NFAT5: variants seen among roughly 807,000 people sequenced by gnomAD.
NFAT5 encodes the protein nuclear factor of activated T-cells 5.
Under a neutral mutation model 166.5 loss-of-function variants are expected in NFAT5, and 31 were observed. The observed-to-expected ratio is 0.19, with a 90% confidence interval of 0.14 to 0.25. NFAT5 has a LOEUF of 0.25. NFAT5 is among the 10% of genes least tolerant of loss of function. The pLI is 1.00. For missense variants in NFAT5, 1,449 were observed against 1,821.8 expected (o/e 0.80, Z 3.72); for synonymous variants, 612 against 639.7 (o/e 0.96, Z 0.65).
At chr16:69,637,981 G>T (rs1317933977) in intron 3 of NFAT5, among the ~76,000 whole-genome samples, 1 of 150,890 alleles carries the variant, frequency 6.6e-6, no homozygotes, top group South Asian at 2.1e-4. Flanking sequence ...AGCATTTTGG[G>T]AGGCTGAGGC....
chr16:69,590,237 T>A (rs949570209), intron 2 of NFAT5, among the ~76,000 whole-genome samples: 2 of 152,220 alleles, frequency 1.3e-5, no homozygotes, highest in Admixed American at 6.6e-5. Flanking sequence ...AGTACAGACG[T>A]TGAGTCCTGA....
chr16:69,597,044 T>A (rs2032837615), intron 2 of NFAT5, among the ~76,000 whole-genome samples: 1 of 152,086 alleles, frequency 6.6e-6, no homozygotes, highest in Non-Finnish European at 1.5e-5. Flanking sequence ...TAAAAATTAG[T>A]CATGTAAAGA....
At chr16:69,650,647 C>G (rs1182675625) in intron 4 of NFAT5, among the ~76,000 whole-genome samples, 1 of 152,060 alleles carries the variant, frequency 6.6e-6, no homozygotes, top group Admixed American at 6.6e-5. Context: ...TCGATATGCT[C>G]TATGAATTTT....
In NFAT5 at chr16:69,692,288, G is replaced by A. The variant is rs538599472; in HGVS notation, c.2463G>A (p.Glu821=). 3 of 1,614,192 alleles carry A rather than the reference G, an allele frequency of 1.9e-6. No individual in the cohort carries two copies. Among genetic ancestry groups the A allele is most frequent in the East Asian group, 4.5e-5 (2 of 44,880 alleles). Residue 821 remains glutamate, a synonymous_variant, in exon 13 of 15, where the codon GAG becomes GAA. Transcript: ENST00000349945. ...TTGACTTGGTCCAACAAGTTTTAGA[G>A]GCACAGCAGCAGTTATCTTCAGTTT... ...GSVDLVQQVL[E]AQQQLSSVLF... is the part of the protein sequence containing the mutation.
chr16:69,597,960 G>A (rs895357074), intron 2 of NFAT5, among the ~76,000 whole-genome samples: 1 of 152,192 alleles, frequency 6.6e-6, no homozygotes. Flanking sequence ...AGTAACTGTT[G>A]TCTAGAGAAG....
rs751444392 is a variant in NFAT5, at chr16:69,703,323, T to C, written c.*6972T>C. 20 of 152,686 alleles carry C rather than the reference T, an allele frequency of 1.3e-4. No individual in the cohort carries two copies. The highest frequency in any genetic ancestry group is 3.8e-4 in the East Asian group (2 of 5,206). 9.5% of individuals were successfully genotyped at this position (152,686 alleles called of 1,614,324 possible). A position where few individuals can be genotyped will look rare whatever the true frequency, so the allele number is the denominator to read the frequency against. ...AAGAACTAAGCTATCAGTATAGATATAGCTATCCTTGGAGCTTATGTTTCA... is the reference window on the plus strand; with the variant it reads ...AAGAACTAAGCTATCAGTATAGATACAGCTATCCTTGGAGCTTATGTTTCA... On this transcript the variant is annotated 3_prime_UTR_variant, in exon 15 of 15. Coordinates refer to ENST00000349945, the MANE Select transcript of NFAT5 (RefSeq NM_138713.4).
At chr16:69,638,967 A>G (rs2035090467) in intron 3 of NFAT5, among the ~76,000 whole-genome samples, 1 of 151,972 alleles carries the variant, frequency 6.6e-6, no homozygotes, top group Non-Finnish European at 1.5e-5. Flanking sequence ...CTCTCTTTTT[A>G]GCCTATACTT....
At chr16:69,669,530 G>A (rs1218492852) in intron 7 of NFAT5, among the ~76,000 whole-genome samples, 2 of 152,120 alleles carry the variant, frequency 1.3e-5, no homozygotes, top group Non-Finnish European at 2.9e-5. Flanking sequence ...GGGCGACAGA[G>A]TGAGACTCAG....
At chr16:69,631,318 C>G (rs1210709565) in intron 3 of NFAT5, among the ~76,000 whole-genome samples, 1 of 152,038 alleles carries the variant, frequency 6.6e-6, no homozygotes, top group East Asian at 1.9e-4. Context: ...GTAATCCCAG[C>G]TACTTGGGAG....
At chr16:69,600,624 A>C (rs552160322) in intron 2 of NFAT5, among the ~76,000 whole-genome samples, 1 of 152,130 alleles carries the variant, frequency 6.6e-6, no homozygotes, top group African/African-American at 2.4e-5. Flanking sequence ...TGGGAAAGGA[A>C]GTATGGGAAA....
At chr16:69,613,815 G>A (rs550365292) in intron 2 of NFAT5, among the ~76,000 whole-genome samples, 2 of 152,226 alleles carry the variant, frequency 1.3e-5, no homozygotes, top group African/African-American at 2.4e-5. Context: ...GCTTAATAAG[G>A]GTGACTTTCT....
rs575421311 is a variant in NFAT5 at position 69,643,813 on chromosome 16, A to C, written c.254-3215A>C. ...ACTGTGATAGGTGTTGGGAGGATCTAAGATGAGAAAGATATTGTCAGTGCT... is the reference window on the plus strand; with the variant it reads ...ACTGTGATAGGTGTTGGGAGGATCTCAGATGAGAAAGATATTGTCAGTGCT... On this transcript the variant is annotated intron_variant, in intron 3 of 14. Transcript: ENST00000349945. Among the ~76,000 whole-genome samples the C allele has an allele frequency of 2.8e-3, 421 of 152,314 alleles. 3 individuals carry two copies. The highest frequency in any genetic ancestry group is 1.0e-2 in the African/African-American group (414 of 41,572).
rs1482863666 is a variant in NFAT5, at chr16:69,696,974, AGC to A, written c.*624_*625del. The A allele has an allele frequency of 6.6e-6, 1 of 152,658 alleles. No individual in the cohort carries two copies. The highest frequency in any genetic ancestry group is 1.5e-5 in the Non-Finnish European group (1 of 68,042). The allele number at this position is 152,658 out of a possible 1,614,324, so 9.5% of individuals were successfully genotyped here. On this transcript the variant is annotated 3_prime_UTR_variant, in exon 15 of 15. Transcript: ENST00000349945. ...ATGATACACTTATAAAACTGGGAAC[AGC>A]TGGAATGCTTCTTGATTTTATTTTT...
chr16:69,566,292 T>C lies in NFAT5; in HGVS notation c.-10T>C. The C allele has an allele frequency of 6.2e-7, 1 of 1,600,500 alleles. No homozygotes were observed. The highest frequency in any genetic ancestry group is 8.5e-7 in the Non-Finnish European group (1 of 1,175,438). On this transcript the variant is annotated 5_prime_UTR_variant, in exon 1 of 15. Transcript: ENST00000349945. This position sits in a 1 kb window ranked among gnomAD's most constrained non-coding sequence, Gnocchi z 5.7. ...CCCGCTGCCCTCGGGCCGGGCTGGG[T>C]CGAGCTGCGATGCCCTCGGACTTCA...
chr16:69,616,879 G>T (rs866182578), intron 2 of NFAT5, among the ~76,000 whole-genome samples: 2 of 149,642 alleles, frequency 1.3e-5, no homozygotes, highest in Admixed American at 6.6e-5. Context: ...TCCCCTCTAG[G>T]CTTCTGATAC....
chr16:69,674,867 T>C (rs1351933341), intron 9 of NFAT5, among the ~76,000 whole-genome samples: 6 of 152,254 alleles, frequency 3.9e-5, no homozygotes, highest in African/African-American at 1.2e-4. Flanking sequence ...CAGATTTTTC[T>C]AAGAAGTTAA....
intron 2 of NFAT5, among the ~76,000 whole-genome samples, chr16:69,614,289 C>T (rs542450922): frequency 3.3e-5 from 5 of 152,010 alleles, no homozygotes; most frequent in Admixed American, 6.6e-5. Flanking sequence ...CAAAATGCTG[C>T]GATTACAGGC....
chr16:69,687,471 T>C (rs9888993), intron 11 of NFAT5, among the ~76,000 whole-genome samples: 23,273 of 140,614 alleles, frequency 0.17, 2,030 homozygotes, highest in East Asian at 0.39. Context: ...GGAACATAAA[T>C]AAAATTAACC....
intron 4 of NFAT5, chr16:69,649,010 T>G: frequency 1.0e-6 from 1 of 959,040 alleles, no homozygotes; most frequent in East Asian, 1.1e-4. Context: ...TTAAATGCTT[T>G]TCAGTTTTAG....
Sources: gnomAD v4.1 joint callset for allele counts (sites outside exome capture counted in the v4.1 genomes callset) on GRCh38, gnomAD v4.1.1 for gene constraint, Gnocchi (gnomAD v3.1) non-coding constraint, MANE v1.5 for transcripts, NCBI Gene and HGNC (gene_info 2026-07-23, HGNC 2026-07-21) for gene names.